BBOF1: variants seen among roughly 807,000 people sequenced by gnomAD.
BBOF1 encodes the protein basal body orientation factor 1.
BBOF1 carries 62 observed loss-of-function variants against 68.0 expected under a neutral mutation model. The observed-to-expected ratio is 0.91, with a 90% CI of 0.74 to 1.13. The LOEUF is 1.13. Ranked by LOEUF, BBOF1 falls within the 50% of genes most tolerant of loss-of-function variation. BBOF1 has a pLI of 0.00. For missense variants in BBOF1, 534 were observed against 600.1 expected (o/e 0.89, Z 1.15); for synonymous variants, 208 against 198.8 (o/e 1.05, Z -0.39).
chr14:74,079,532 C>T (rs573188825), intron 10 of BBOF1, among the ~76,000 whole-genome samples: 3 of 151,238 alleles, frequency 2.0e-5, no homozygotes, highest in African/African-American at 7.3e-5. Flanking sequence ...CTCCTGGGTT[C>T]ACACCTTCTC....
In BBOF1 at chr14:74,048,034, A is replaced by T; in HGVS notation, c.752A>T (p.Gln251Leu). Residue 251 changes from glutamine (Q) to leucine (L), a missense_variant, in exon 7 of 12, where the codon CAG (glutamine) becomes CTG (leucine). Transcript: ENST00000394009. ...KETDALQKNSQKLQESHTLLL... is the reference protein window; with the variant it reads ...KETDALQKNSLKLQESHTLLL... The stretch of plus-strand genomic sequence containing the variant: ...ACTGACGCTCTACAAAAAAACTCCC[A>T]GAAGTTGCAAGAGAGTCATACTTTA... 1.9e-6 allele frequency: 3 copies of T among 1,613,486 alleles called. No homozygotes were observed. Among genetic ancestry groups the T allele is most frequent in the Non-Finnish European group, 2.5e-6 (3 of 1,179,760 alleles).
At chr14:74,038,348 A>G (rs2059756334) in intron 4 of BBOF1, among the ~76,000 whole-genome samples, 1 of 152,256 alleles carries the variant, frequency 6.6e-6, no homozygotes, top group Non-Finnish European at 1.5e-5. Flanking sequence ...ATGTACAGGT[A>G]TACATTCTGA....
At chr14:74,035,584 ATTTTTTTTTTTT>A (rs71460945) in intron 4 of BBOF1, among the ~76,000 whole-genome samples, 5 of 81,390 alleles carry the variant, frequency 6.1e-5, no homozygotes, top group African/African-American at 1.9e-4. Context: ...CCCCCAGCTA[ATTTTTTTTTTTT>A]TTTTTTTTTT....
At chr14:74,038,086 T>A (rs2059749989) in intron 4 of BBOF1, among the ~76,000 whole-genome samples, 1 of 152,230 alleles carries the variant, frequency 6.6e-6, no homozygotes, top group Non-Finnish European at 1.5e-5. Context: ...ATATTATATT[T>A]ATTTATCATT....
intron 5 of BBOF1, among the ~76,000 whole-genome samples, chr14:74,045,136 A>G (rs2059922186): frequency 6.6e-6 from 1 of 152,180 alleles, no homozygotes; most frequent in African/African-American, 2.4e-5. Context: ...TAACATTCTT[A>G]GAACTGTTCC....
rs780859463 is a variant in BBOF1 at position 74,046,086 on chromosome 14, G to T, written c.603G>T (p.Lys201Asn). Residue 201 changes from lysine to asparagine, a missense_variant, in exon 6 of 12, where the codon AAG becomes AAT. By Grantham distance (94) the Lys-to-Asn change is moderately conservative. Transcript: ENST00000394009. ...EKHRLEQEAEKKIIMLAERAH... is the reference protein window; with the variant it reads ...EKHRLEQEAENKIIMLAERAH... ...ACCGACTAGAACAAGAGGCTGAAAA[G>T]AAGATAATAATGCTAGCAGAGAGAG... The T allele has an allele frequency of 1.2e-6, 2 of 1,609,064 alleles. No individual in the cohort carries two copies. Among genetic ancestry groups the T allele is most frequent in the Non-Finnish European group, 8.5e-7 (1 of 1,177,752 alleles).
intron 9 of BBOF1, chr14:74,075,076 A>G (rs2060597305): frequency 2.0e-6 from 3 of 1,519,446 alleles, no homozygotes; most frequent in Non-Finnish European, 2.7e-6. Flanking sequence ...TTTAAAATTT[A>G]GCAAATAGCT....
At chr14:74,048,233 A>T (rs910909120) in intron 7 of BBOF1, 159 bp downstream of exon 7, 2 of 597,706 alleles carry the variant, frequency 3.3e-6, no homozygotes, top group Admixed American at 3.4e-5. Flanking sequence ...TTAAATACTC[A>T]ATCTTATAAT....
intron 11 of BBOF1, chr14:74,060,816 G>T: frequency 1.8e-6 from 2 of 1,137,802 alleles, no homozygotes. Flanking sequence ...ATTAGCTTTT[G>T]AAGGAGGTAT....
At chr14:74,068,733 CTG>C (rs2060507325), downstream of BBOF1, 3 of 1,149,948 alleles carry the variant, frequency 2.6e-6, no homozygotes, top group Admixed American at 2.0e-5. Flanking sequence ...CAGAGAGACT[CTG>C]TCTCAAAAAA....
intron 9 of BBOF1, chr14:74,071,795 A>G (rs1282625831): frequency 4.0e-5 from 60 of 1,498,132 alleles, no homozygotes; most frequent in Non-Finnish European, 5.4e-5. Flanking sequence ...ATGGGATGGC[A>G]AAATCTATGT....
At chr14:74,068,033 CAAT>C (rs1293813013), downstream of BBOF1, among the ~76,000 whole-genome samples, 1 of 148,280 alleles carries the variant, frequency 6.7e-6, no homozygotes, top group Non-Finnish European at 1.5e-5. Flanking sequence ...AGCCTTACAG[CAAT>C]AATGCCAGTA....
At chr14:74,033,024 ATCCTCC>A (rs757635107) in intron 3 of BBOF1, among the ~76,000 whole-genome samples, 72 of 145,014 alleles carry the variant, frequency 5.0e-4, no homozygotes, top group Non-Finnish European at 8.3e-4. Context: ...TTCCTTCCTC[ATCCTCC>A]TTCTTTCTCC....
intron 8 of BBOF1, among the ~76,000 whole-genome samples, chr14:74,052,834 A>C (rs1473045655): frequency 6.6e-6 from 1 of 151,556 alleles, no homozygotes; most frequent in Non-Finnish European, 1.5e-5. Context: ...CCACCTCTAC[A>C]AAAAACAAAA....
chr14:74,056,432 T>C (rs1298253519), intron 9 of BBOF1, among the ~76,000 whole-genome samples: 2 of 151,824 alleles, frequency 1.3e-5, no homozygotes, highest in East Asian at 3.9e-4. Context: ...ACTCCTGACC[T>C]GAGGTGACCT....
intron 9 of BBOF1, among the ~76,000 whole-genome samples, chr14:74,076,796 C>T (rs1004475333): frequency 1.1e-4 from 16 of 152,140 alleles, no homozygotes; most frequent in African/African-American, 3.6e-4. Flanking sequence ...GTGATCCACC[C>T]GCCTCAGCCT....
intron 12 of BBOF1, chr14:74,081,303 C>T (rs1188251877): frequency 6.6e-6 from 1 of 152,140 alleles, no homozygotes; most frequent in Non-Finnish European, 1.5e-5. Flanking sequence ...ATATTTTGCA[C>T]AATGAAAGAA....
At chr14:74,024,869 C>A (rs1015258735) in intron 2 of BBOF1, among the ~76,000 whole-genome samples, 8 of 152,172 alleles carry the variant, frequency 5.3e-5, no homozygotes, top group African/African-American at 1.9e-4. Flanking sequence ...TCCCAAAGTG[C>A]TGACATTACA....
downstream of BBOF1, chr14:74,067,274 G>A (rs1243704345): frequency 3.1e-6 from 4 of 1,297,364 alleles, no homozygotes; most frequent in African/African-American, 4.4e-5. Context: ...AGAGGAAATG[G>A]CAAGAATAGA....
Sources: gnomAD v4.1 joint callset for allele counts (sites outside exome capture counted in the v4.1 genomes callset) on GRCh38, gnomAD v4.1.1 for gene constraint, MANE v1.5 for transcripts, NCBI Gene and HGNC (gene_info 2026-07-23, HGNC 2026-07-21) for gene names.